GRB2: variants seen among roughly 807,000 people sequenced by gnomAD.
GRB2 encodes the protein growth factor receptor-bound protein 2.
Under a neutral mutation model 27.4 loss-of-function variants are expected in GRB2, and 2 were observed. The ratio of observed to expected loss-of-function variants is 0.07; its 90% CI spans 0.03 to 0.23. The LOEUF (loss-of-function observed/expected upper bound fraction) is 0.23, where lower values mean the gene tolerates loss of function less well. Among genes scored for constraint, GRB2 ranks in the 10% least tolerant of loss-of-function variants. The pLI is 1.00. For missense variants in GRB2, 102 were observed against 282.4 expected (o/e 0.36, Z 4.58); for synonymous variants, 94 against 99.6 (o/e 0.94, Z 0.33).
In GRB2 at chr17:75,324,517, T is replaced by TTTTTTG. The variant is rs1555608353; in HGVS notation, c.299+1380_299+1381insCAAAAA. On this transcript the variant is annotated intron_variant, in intron 4 of 5. Transcript: ENST00000316804. The stretch of plus-strand genomic sequence containing the variant: ...GAGCCACCGCACCCAGTTTTTTTTT[T>TTTTTTG]TTTTTTTTTTTTTTTTTTGGAGACA... 2.7e-3 allele frequency among the ~76,000 whole-genome samples: 208 copies of TTTTTTG among 76,144 alleles called. 1 individual carries two copies. The highest frequency in any genetic ancestry group is 8.3e-3 in the African/African-American group (201 of 24,240). 50.0% of individuals were successfully genotyped at this position (76,144 alleles called of 152,430 possible).
At chr17:75,395,978 C>A (rs147405193) in intron 1 of GRB2, among the ~76,000 whole-genome samples, 3,703 of 151,758 alleles carry the variant, frequency 0.024, 81 homozygotes, top group Non-Finnish European at 0.035. Flanking sequence ...GCTGGGACTA[C>A]AGGCATGTGC....
rs1354501561 is a variant in GRB2, at chr17:75,319,413, C to T, written c.*955G>A. The T allele has an allele frequency of 1.4e-5, 2 of 147,826 alleles. No individual in the cohort carries two copies. Among genetic ancestry groups the T allele is most frequent in the Non-Finnish European group, 3.0e-5 (2 of 67,180 alleles). The allele number at this position is 147,826 out of a possible 1,614,324, so 9.2% of individuals were successfully genotyped here. On this transcript the variant is annotated 3_prime_UTR_variant, in exon 6 of 6. Coordinates refer to ENST00000316804, the MANE Select transcript of GRB2 (RefSeq NM_002086.5). ...TGCTCGATAATCCCACTGGAAGGGC[C>T]AACAAAGTGGAAAGAGACAGGCTTT...
At chr17:75,376,357 A>AAAAT (rs2078893803) in intron 2 of GRB2, among the ~76,000 whole-genome samples, 1 of 150,122 alleles carries the variant, frequency 6.7e-6, no homozygotes, top group Admixed American at 6.7e-5. Flanking sequence ...AAAAAAAAAA[A>AAAAT]AAAAAAAAAA....
chr17:75,401,050 C>T (rs907055161), intron 1 of GRB2, among the ~76,000 whole-genome samples: 17 of 151,614 alleles, frequency 1.1e-4, no homozygotes, highest in African/African-American at 4.1e-4. Flanking sequence ...GCAACCTCCA[C>T]CTCCCGGGTT....
At chr17:75,386,869 A>T (rs2078967075) in intron 2 of GRB2, among the ~76,000 whole-genome samples, 1 of 152,148 alleles carries the variant, frequency 6.6e-6, no homozygotes, top group Admixed American at 6.5e-5. Flanking sequence ...TGCACCCATA[A>T]AATGGGGTTA....
In GRB2 at chr17:75,399,560, G is replaced by T. The variant is rs374724754; in HGVS notation, c.-137-5795C>A. Among the ~76,000 whole-genome samples, 94 of 151,156 alleles carry T rather than the reference G, an allele frequency of 6.2e-4. 1 individual carries two copies. Among genetic ancestry groups the T allele is most frequent in the Admixed American group, 1.4e-3 (21 of 15,158 alleles). On this transcript the variant is annotated intron_variant, in intron 1 of 5. Coordinates refer to ENST00000316804, the MANE Select transcript of GRB2 (RefSeq NM_002086.5). ...CTTTTGTATTTTTAGTAGAGGCAGG[G>T]TTTCACCATGTTGGTCAGGCTGGTC...
chr17:75,320,254 C>T lies in GRB2; in HGVS notation c.*114G>A, dbSNP rs563157141. The T allele has an allele frequency of 1.5e-5, 14 of 907,650 alleles. No individual in the cohort carries two copies. Among genetic ancestry groups the T allele is most frequent in the African/African-American group, 3.3e-5 (2 of 60,910 alleles). The allele number at this position is 907,650 out of a possible 1,614,324, so 56.2% of individuals were successfully genotyped here. A position where few individuals can be genotyped will look rare whatever the true frequency, so the allele number is the denominator to read the frequency against. ...AAAGTGAGAGGGTCACAGGGTGACC[C>T]GGCCAGGTGTTCTGCACTCCCTCAC... On this transcript the variant is annotated 3_prime_UTR_variant, in exon 6 of 6. Transcript: ENST00000316804. The surrounding 1 kb of genome is among the most constrained non-coding windows in gnomAD (Gnocchi z 4.3).
chr17:75,333,889 C>T (rs2078557735), intron 2 of GRB2, among the ~76,000 whole-genome samples: 1 of 152,190 alleles, frequency 6.6e-6, no homozygotes, highest in Non-Finnish European at 1.5e-5. Flanking sequence ...ACCCAGGTTA[C>T]GAGGTAGTGA....
In GRB2 at chr17:75,375,882, G is replaced by C. The variant is rs551275363; in HGVS notation, c.78+17669C>G. Among the ~76,000 whole-genome samples, 83 of 151,906 alleles carry C rather than the reference G, an allele frequency of 5.5e-4. 1 individual carries two copies. The highest frequency in any genetic ancestry group is 1.9e-3 in the African/African-American group (80 of 41,434). ...CTACTAAAAATACAAAAATTTAGCCGGGCGTGGTGGTGGGCGCCTGTAGTC... is the reference window on the plus strand; with the variant it reads ...CTACTAAAAATACAAAAATTTAGCCCGGCGTGGTGGTGGGCGCCTGTAGTC... On this transcript the variant is annotated intron_variant, in intron 2 of 5. Coordinates refer to ENST00000316804, the MANE Select transcript of GRB2 (RefSeq NM_002086.5).
chr17:75,337,799 C>A (rs2078588267), intron 2 of GRB2, among the ~76,000 whole-genome samples: 2 of 150,384 alleles, frequency 1.3e-5, no homozygotes, highest in Admixed American at 1.3e-4. Flanking sequence ...TTGATCTGAC[C>A]TCGTGATCCG....
At chr17:75,362,530 C>T (rs1005019431) in intron 2 of GRB2, among the ~76,000 whole-genome samples, 5 of 152,162 alleles carry the variant, frequency 3.3e-5, no homozygotes, top group African/African-American at 1.2e-4. Flanking sequence ...GTTGGTTTTA[C>T]CAGTCAGCAA....
chr17:75,320,458 G>A lies in GRB2; in HGVS notation c.564C>T (p.Asn188=), dbSNP rs374320918. 6.2e-6 allele frequency: 10 copies of A among 1,613,398 alleles called. No individual in the cohort carries two copies. The highest frequency in any genetic ancestry group is 8.5e-6 in the Non-Finnish European group (10 of 1,179,426). ...RRGDFIHVMD[N]SDPNWWKGAC... ...CTCCTTTCCACCAGTTGGGGTCTGAGTTATCCATGACATGGATAAAATCTC... is the reference window on the plus strand; with the variant it reads ...CTCCTTTCCACCAGTTGGGGTCTGAATTATCCATGACATGGATAAAATCTC... Residue 188 remains asparagine, a synonymous_variant, in exon 6 of 6, where the codon AAC becomes AAT. Coordinates refer to ENST00000316804, the MANE Select transcript of GRB2 (RefSeq NM_002086.5). This position sits in a 1 kb window ranked among gnomAD's most constrained non-coding sequence, Gnocchi z 4.3.
chr17:75,370,340 C>T (rs1044287333), intron 2 of GRB2, among the ~76,000 whole-genome samples: 4 of 152,094 alleles, frequency 2.6e-5, no homozygotes, highest in East Asian at 3.8e-4. Flanking sequence ...CAAATCTGTC[C>T]GCATGAATTT....
chr17:75,324,980 C>T (rs2078488936), intron 4 of GRB2, among the ~76,000 whole-genome samples: 1 of 152,022 alleles, frequency 6.6e-6, no homozygotes, highest in Non-Finnish European at 1.5e-5. Context: ...GAGGGTGGGG[C>T]AGGGAGAACT....
At chr17:75,360,640 G>A (rs1196133509) in intron 2 of GRB2, among the ~76,000 whole-genome samples, 3 of 152,142 alleles carry the variant, frequency 2.0e-5, no homozygotes, top group African/African-American at 2.4e-5. Flanking sequence ...AGGTTTGTGG[G>A]GCAAAAAGGA....
chr17:75,345,517 G>C (rs547771406), intron 2 of GRB2, among the ~76,000 whole-genome samples: 1 of 152,280 alleles, frequency 6.6e-6, no homozygotes, highest in East Asian at 1.9e-4. Context: ...TAAGGATACA[G>C]GACTGAAAAA....
chr17:75,369,655 G>C lies in GRB2; in HGVS notation c.78+23896C>G, dbSNP rs927958810. On this transcript the variant is annotated intron_variant, in intron 2 of 5. Transcript: ENST00000316804. ...TGATCACTTGAGGTCAGGGGTTCAA[G>C]ACCAGTCTGGGCAACATGGTGAAAC... Among the ~76,000 whole-genome samples the C allele has an allele frequency of 2.1e-5, 3 of 139,672 alleles. No homozygotes were observed. The Admixed American group carries it at 2.3e-4, about 11-fold the overall frequency. 91.6% of individuals were successfully genotyped at this position (139,672 alleles called of 152,430 possible).
At chr17:75,325,818 G>C (rs2145820875) in intron 4 of GRB2, 80 bp downstream of exon 4, 2 of 1,422,998 alleles carry the variant, frequency 1.4e-6, no homozygotes, top group East Asian at 4.6e-5. Context: ...TTTGTGTGTA[G>C]CCAGGCACCT....
At chr17:75,396,084 C>T (rs1246144569) in intron 1 of GRB2, among the ~76,000 whole-genome samples, 1 of 151,892 alleles carries the variant, frequency 6.6e-6, no homozygotes, top group Non-Finnish European at 1.5e-5. Flanking sequence ...GTGATCCGCC[C>T]ACTTTGGCCT....
Sources: gnomAD v4.1 joint callset for allele counts (sites outside exome capture counted in the v4.1 genomes callset) on GRCh38, gnomAD v4.1.1 for gene constraint, Gnocchi (gnomAD v3.1) non-coding constraint, MANE v1.5 for transcripts, NCBI Gene and HGNC (gene_info 2026-07-23, HGNC 2026-07-21) for gene names.